The following PAX8 variants were observed in gnomAD, a reference collection of about 807,000 sequenced individuals.
PAX8 encodes the protein paired box 8.
PAX8 carries 15 observed loss-of-function variants against 52.4 expected under a neutral mutation model. The observed-to-expected ratio is 0.29, with a 90% CI of 0.19 to 0.44. The LOEUF (loss-of-function observed/expected upper bound fraction) is 0.44, where lower values mean the gene tolerates loss of function less well. Ranked by LOEUF, PAX8 falls within the 20% of genes least tolerant of loss-of-function variation. The probability of loss-of-function intolerance (pLI) is 1.00; values close to 1 mark genes in which losing one functional copy is unlikely to be tolerated. For synonymous variants in PAX8, 284 were observed against 249.7 expected, an observed-to-expected ratio of 1.14 and a Z score of -1.29; for missense variants, 554 against 602.5, an observed-to-expected ratio of 0.92 and a Z score of 0.84.
In PAX8 at chr2:113,241,638, C is replaced by G; in HGVS notation, c.690G>C (p.Gln230His). The G allele has an allele frequency of 6.2e-7, 1 of 1,614,012 alleles. No homozygotes were observed. The highest frequency in any genetic ancestry group is 1.1e-5 in the South Asian group (1 of 91,076). The change falls in exon 7 of 12, where the codon CAG (glutamine) becomes CAC (histidine). Residue 230 changes from glutamine (Q) to histidine (H), a missense_variant. Physicochemically the swap from Gln to His is conservative, Grantham distance 24. Coordinates refer to ENST00000429538, the MANE Select transcript of PAX8 (RefSeq NM_003466.4). The part of the protein sequence containing the change: ...RKHLRTDAFS[Q>H]HHLEPLECPF... Reference sequence around the variant, plus strand: ...GGCACTCGAGCGGCTCGAGGTGGTGCTGGCTGAAGGCATCCGTGCGAAGGT... The same window carrying G: ...GGCACTCGAGCGGCTCGAGGTGGTGGTGGCTGAAGGCATCCGTGCGAAGGT...
intron 2 of PAX8, among the ~76,000 whole-genome samples, chr2:113,250,258 C>T (rs1435126045): frequency 1.6e-4 from 20 of 126,640 alleles, no homozygotes; most frequent in Non-Finnish European, 4.8e-5. Context: ...CAGAGCAAGA[C>T]TCCATCTCAA....
At chr2:113,237,074 A>C in intron 7 of PAX8, 1 of 271,882 alleles carries the variant, frequency 3.7e-6, no homozygotes, top group Non-Finnish European at 7.0e-6. Context: ...GCAGTCTCCA[A>C]CCGGACTGTT....
At chr2:113,262,196 T>G (rs1692735196) in intron 2 of PAX8, among the ~76,000 whole-genome samples, 2 of 151,426 alleles carry the variant, frequency 1.3e-5, no homozygotes, top group Non-Finnish European at 2.9e-5. Flanking sequence ...TTTTATTTTT[T>G]GTAGAGAGGT....
intron 2 of PAX8, among the ~76,000 whole-genome samples, chr2:113,250,547 T>C (rs1350613106): frequency 6.6e-6 from 1 of 152,190 alleles, no homozygotes; most frequent in Non-Finnish European, 1.5e-5. Context: ...TAAGAATTTA[T>C]GTTTCTAAGA....
chr2:113,275,332 A>G (rs902254159), intron 2 of PAX8: 2 of 152,244 alleles, frequency 1.3e-5, no homozygotes, highest in African/African-American at 2.4e-5. Flanking sequence ...TGAAACAAAG[A>G]TGAATTGATG....
chr2:113,241,972 G>A lies in PAX8; in HGVS notation c.601+36C>T, dbSNP rs370911075. The A allele has an allele frequency of 2.3e-5, 37 of 1,610,814 alleles. 1 individual carries two copies. The highest frequency in any genetic ancestry group is 1.3e-4 in the South Asian group (12 of 90,382). The stretch of plus-strand genomic sequence containing the variant: ...ATCAAAGCCTGAGCAAACTGCTCTC[G>A]TGCACCGCCCGCTGCCCTCCTGTCC... On this transcript the variant is annotated intron_variant, in intron 6 of 11. Transcript: ENST00000429538.
Position 113,218,497 on chromosome 2 carries a change from C to T in PAX8, c.*36G>A. The T allele has an allele frequency of 7.5e-7, 1 of 1,332,494 alleles. No homozygotes were observed. The highest frequency in any genetic ancestry group is 1.0e-6 in the Non-Finnish European group (1 of 964,988). 82.5% of individuals were successfully genotyped at this position (1,332,494 alleles called of 1,614,324 possible). On this transcript the variant is annotated 3_prime_UTR_variant, in exon 12 of 12. Coordinates refer to ENST00000429538, the MANE Select transcript of PAX8 (RefSeq NM_003466.4). The stretch of plus-strand genomic sequence containing the variant: ...TGGGGCCTGTCCCAGGCTGAGTCCT[C>T]CTGTTGCTCAGTCGCTCCCACTGTC...
At chr2:113,260,878 T>TTGTGTGTG (rs34240850) in intron 2 of PAX8, among the ~76,000 whole-genome samples, 18,306 of 147,962 alleles carry the variant, frequency 0.12, 1,161 homozygotes, top group Non-Finnish European at 0.14. Flanking sequence ...AGTGACTGTT[T>TTGTGTGTG]TGTGTGTGTG....
intron 4 of PAX8, 41 bp from the exon 5 acceptor site, chr2:113,242,819 G>C: frequency 3.4e-6 from 5 of 1,483,702 alleles, no homozygotes; most frequent in Non-Finnish European, 3.8e-6. Flanking sequence ...AGAAGAGGAG[G>C]AAAGAGAACT....
chr2:113,236,704 G>A lies in PAX8; in HGVS notation c.795C>T (p.Pro265=). ...TKGEQGLYPL[P]LLNSTLDDGK... ...CGTCGTCCAGGGTGCTGTTGAGCAA[G>A]GGCAGCGGGTAGAGGCCCTGGGGAG... Residue 265 remains proline, a synonymous_variant, in exon 8 of 12, where the codon CCC becomes CCT. Transcript: ENST00000429538. 1.3e-6 allele frequency: 2 copies of A among 1,576,002 alleles called. No individual in the cohort carries two copies. The highest frequency in any genetic ancestry group is 2.3e-5 in the East Asian group (1 of 42,956).
At chr2:113,278,348 C>G (rs1693981917) in intron 2 of PAX8, 22 bp downstream of exon 2, 1 of 1,573,276 alleles carries the variant, frequency 6.4e-7, no homozygotes, top group South Asian at 1.1e-5. Flanking sequence ...GCTCGGGGAT[C>G]CTGACCACAC....
At chr2:113,274,301 C>T (rs1573554809) in intron 2 of PAX8, 1 of 152,042 alleles carries the variant, frequency 6.6e-6, no homozygotes, top group African/African-American at 2.4e-5. Context: ...TCCTAAAATT[C>T]TCCTCTTTTT....
intron 7 of PAX8, chr2:113,241,111 A>T (rs1043509092): frequency 9.5e-6 from 3 of 317,316 alleles, no homozygotes; most frequent in Non-Finnish European, 1.8e-5. Context: ...GGTGTGAGCG[A>T]GGGTGGTGAG....
At chr2:113,219,712 C>T (rs1558679634) in intron 11 of PAX8, among the ~76,000 whole-genome samples, 1 of 152,160 alleles carries the variant, frequency 6.6e-6, no homozygotes, top group Non-Finnish European at 1.5e-5. Flanking sequence ...CTGGCGGGTG[C>T]CCTGCGTCAG....
rs375694589 is a variant in PAX8 at position 113,218,617 on chromosome 2, C to T, written c.1277-8G>A. The T allele has an allele frequency of 1.4e-5, 22 of 1,541,546 alleles. No individual in the cohort carries two copies. Among genetic ancestry groups the T allele is most frequent in the Admixed American group, 2.0e-5 (1 of 50,820 alleles). On this transcript the variant is annotated splice_polypyrimidine_tract_variant and splice_region_variant and intron_variant, in intron 11 of 11. Transcript: ENST00000429538. ...TGTAATAATATGGGGAACCTGGACACATTAAAAAAAAATAACAACAACACT... is the reference window on the plus strand; with the variant it reads ...TGTAATAATATGGGGAACCTGGACATATTAAAAAAAAATAACAACAACACT...
At chr2:113,248,171 A>AGATTTCC (rs1691479647) in intron 2 of PAX8, among the ~76,000 whole-genome samples, 1 of 152,202 alleles carries the variant, frequency 6.6e-6, no homozygotes, top group Non-Finnish European at 1.5e-5. Context: ...TTCAGGGCCG[A>AGATTTCC]GATTTCCATT....
rs1690896352 is a variant in PAX8, at chr2:113,242,034, C to T, written c.575G>A (p.Gly192Asp). Residue 192 changes from glycine (G) to aspartate (D), a missense_variant, in exon 6 of 12, where the codon GGC becomes GAC. This residue lies in a region of PAX8 where 445 missense variants were observed against 409.9 expected (regional missense o/e 1.09). Transcript: ENST00000429538. The stretch of plus-strand genomic sequence containing the variant: ...GTCATCCATTTTCCTCTTGTCGCTG[C>T]CAGGCTGAGCGATGCCCAGGAGCCC... ...INGLLGIAQP[G>D]SDKRKMDDSD... 6.2e-7 allele frequency: 1 copy of T among 1,613,798 alleles called. No homozygotes were observed. Among genetic ancestry groups the T allele is most frequent in the Non-Finnish European group, 8.5e-7 (1 of 1,179,862 alleles).
At chr2:113,246,158 G>C (rs1691304995) in intron 3 of PAX8, among the ~76,000 whole-genome samples, 1 of 152,220 alleles carries the variant, frequency 6.6e-6, no homozygotes, top group African/African-American at 2.4e-5. Context: ...GATGGGCTGG[G>C]GAGTTATATG....
At chr2:113,242,175 C>T in intron 5 of PAX8, 45 bp from the exon 6 acceptor site, 7 of 1,580,240 alleles carry the variant, frequency 4.4e-6, no homozygotes, top group Non-Finnish European at 6.1e-6. Context: ...GAGTGACACC[C>T]CTCACAGCCC....
Sources: gnomAD v4.1 joint callset for allele counts (sites outside exome capture counted in the v4.1 genomes callset) on GRCh38, gnomAD v4.1.1 for gene constraint, gnomAD v4.1.1 regional missense constraint, MANE v1.5 for transcripts, NCBI Gene and HGNC (gene_info 2026-07-23, HGNC 2026-07-21) for gene names.